Variants in PPP3CC observed in about 807,000 individuals in gnomAD.
PPP3CC encodes serine/threonine-protein phosphatase 2B catalytic subunit gamma isoform.
A neutral mutation model predicts 60.3 loss-of-function variants in PPP3CC; 35 were observed. The ratio of observed to expected loss-of-function variants is 0.58; its 90% CI spans 0.44 to 0.77. PPP3CC has a LOEUF of 0.77. Ranked by LOEUF, PPP3CC falls within the 30% of genes least tolerant of loss-of-function variation. The pLI, the probability that PPP3CC is intolerant of heterozygous loss-of-function variation, is 0.00. For missense variants in PPP3CC, 570 were observed against 628.9 expected, an observed-to-expected ratio of 0.91 and a Z score of 1.00; for synonymous variants, 206 against 224.3, an observed-to-expected ratio of 0.92 and a Z score of 0.73.
chr8:22,485,018 C>T (rs545307927), intron 3 of PPP3CC, among the ~76,000 whole-genome samples: 2 of 152,200 alleles, frequency 1.3e-5, no homozygotes, highest in South Asian at 2.1e-4. Flanking sequence ...ATACGCATAT[C>T]TTATTTGGAG....
chr8:22,457,214 A>G (rs1197932595), intron 1 of PPP3CC, among the ~76,000 whole-genome samples: 2 of 150,726 alleles, frequency 1.3e-5, no homozygotes, highest in Non-Finnish European at 2.9e-5. Flanking sequence ...CTTTTAGTAT[A>G]CCTTCTATTT....
rs771661434 is a variant in PPP3CC at position 22,540,649 on chromosome 8, G to C, written c.1386G>C (p.Arg462=). 1.2e-6 allele frequency: 2 copies of C among 1,613,748 alleles called. No individual in the cohort carries two copies. The highest frequency in any genetic ancestry group is 1.7e-6 in the Non-Finnish European group (2 of 1,179,942). ...GGTTCTCGCTTCAGCACAAGATCCGGAGTTTTGAAGAAGCGCGAGGTCTGG... is the reference window on the plus strand; with the variant it reads ...GGTTCTCGCTTCAGCACAAGATCCGCAGTTTTGAAGAAGCGCGAGGTCTGG... ...IRGFSLQHKI[R]SFEEARGLDR... Residue 462 remains arginine, a synonymous_variant, in exon 14 of 14, where the codon CGG becomes CGC. Transcript: ENST00000240139.
At chr8:22,468,297 G>A (rs1177697064) in intron 1 of PPP3CC, among the ~76,000 whole-genome samples, 2 of 152,068 alleles carry the variant, frequency 1.3e-5, no homozygotes, top group Non-Finnish European at 2.9e-5. Flanking sequence ...AGAGGCAAGA[G>A]TGTCACCATG....
intron 4 of PPP3CC, among the ~76,000 whole-genome samples, chr8:22,504,436 G>GGACT (rs764039391): frequency 1.7e-4 from 26 of 152,046 alleles, no homozygotes; most frequent in East Asian, 1.4e-3. Flanking sequence ...CGAGTAGCTG[G>GGACT]GACTGTAGGT....
intron 1 of PPP3CC, among the ~76,000 whole-genome samples, chr8:22,471,735 T>A (rs1837728617): frequency 6.6e-6 from 1 of 152,060 alleles, no homozygotes; most frequent in South Asian, 2.1e-4. Flanking sequence ...CGGAGGTGAA[T>A]GATGAGTGAA....
intron 1 of PPP3CC, among the ~76,000 whole-genome samples, chr8:22,457,691 T>A (rs1837245818): frequency 6.6e-6 from 1 of 152,260 alleles, no homozygotes; most frequent in African/African-American, 2.4e-5. Flanking sequence ...ACTTACAGTC[T>A]GAACCATACA....
At chr8:22,474,243 A>G (rs764970418) in intron 1 of PPP3CC, among the ~76,000 whole-genome samples, 1 of 152,150 alleles carries the variant, frequency 6.6e-6, no homozygotes, top group Non-Finnish European at 1.5e-5. Context: ...TAGGAGAAAT[A>G]AATGCCATTT....
At chr8:22,534,422 CA>C (rs34306343) in intron 12 of PPP3CC, among the ~76,000 whole-genome samples, 69,529 of 134,334 alleles carry the variant, frequency 0.52, 16,290 homozygotes, top group East Asian at 0.61. Context: ...ACCCTGTCTC[CA>C]AAAAAAAAAA....
rs181246968 is a variant in PPP3CC at position 22,539,481 on chromosome 8, C to T, written c.1334C>T (p.Ala445Val). 22 of 1,613,922 alleles carry T rather than the reference C, an allele frequency of 1.4e-5. No homozygotes were observed. The highest frequency in any genetic ancestry group is 1.7e-4 in the Middle Eastern group (1 of 6,054). Residue 445 changes from alanine to valine, a missense_variant, in exon 13 of 14, where the codon GCG (alanine) becomes GTG (valine). Transcript: ENST00000240139. ...KQTIETATVEAVEAREAIRGF... is the reference protein window; with the variant it reads ...KQTIETATVEVVEAREAIRGF... The stretch of plus-strand genomic sequence containing the variant: ...TGCCCTCTTACAGCCACAGTAGAAG[C>T]GGTAGAGGCCCGGGAAGGTATGGCC...
chr8:22,511,008 A>T (rs1839069148), intron 4 of PPP3CC, 78 bp from the exon 5 acceptor site: 3 of 1,419,010 alleles, frequency 2.1e-6, no homozygotes, highest in Non-Finnish European at 2.9e-6. Context: ...AAGTAGCTTC[A>T]TATTCTCCTG....
chr8:22,539,562 A>G (rs141316920), intron 13 of PPP3CC, 64 bp downstream of exon 13: 1 of 1,499,282 alleles, frequency 6.7e-7, no homozygotes, highest in East Asian at 2.3e-5. Context: ...TCGAAGCTTT[A>G]TCAACATTTC....
chr8:22,456,516 C>G lies in PPP3CC; in HGVS notation c.49+15058C>G, dbSNP rs1879792. ...CCTAACTCCCTTCCCTCTCTTTGCC[C>G]GTGTCAGTATCCCACACCACCACAC... On this transcript the variant is annotated intron_variant, in intron 1 of 13. Coordinates refer to ENST00000240139, the MANE Select transcript of PPP3CC (RefSeq NM_005605.5). 1.2e-3 allele frequency among the ~76,000 whole-genome samples: 179 copies of G among 152,068 alleles called. 1 individual carries two copies. Among genetic ancestry groups the G allele is most frequent in the African/African-American group, 4.1e-3 (171 of 41,488 alleles).
chr8:22,469,963 C>CAT (rs35947743), intron 1 of PPP3CC, among the ~76,000 whole-genome samples: 2,835 of 146,246 alleles, frequency 0.019, 44 homozygotes, highest in South Asian at 0.035. Flanking sequence ...TGCTCAAAGA[C>CAT]ATATATATAT....
At chr8:22,457,652 C>T (rs1190635971) in intron 1 of PPP3CC, among the ~76,000 whole-genome samples, 1 of 152,176 alleles carries the variant, frequency 6.6e-6, no homozygotes, top group Non-Finnish European at 1.5e-5. Flanking sequence ...CTGTAGCTAT[C>T]GTTGATTTCC....
At chr8:22,485,410 C>A (rs915884817) in intron 3 of PPP3CC, among the ~76,000 whole-genome samples, 1 of 152,116 alleles carries the variant, frequency 6.6e-6, no homozygotes, top group Non-Finnish European at 1.5e-5. Context: ...AAGAGTCTTC[C>A]TTAATAGGAG....
chr8:22,452,809 A>T (rs12548863), intron 1 of PPP3CC, among the ~76,000 whole-genome samples: 9,226 of 135,250 alleles, frequency 0.068, 340 homozygotes, highest in South Asian at 0.17. Context: ...TGCTGCCGCC[A>T]TCGCTATCAT....
chr8:22,472,133 A>G (rs553096977), intron 1 of PPP3CC, among the ~76,000 whole-genome samples: 23 of 152,000 alleles, frequency 1.5e-4, no homozygotes, highest in Non-Finnish European at 2.8e-4. Context: ...TATCTCAAAA[A>G]CAAATTTTTT....
chr8:22,451,978 T>G (rs1288629038), intron 1 of PPP3CC, among the ~76,000 whole-genome samples: 1 of 151,850 alleles, frequency 6.6e-6, no homozygotes, highest in African/African-American at 2.4e-5. Flanking sequence ...TCCTAGAATG[T>G]TTTATATCTG....
rs1479057819 is a variant in PPP3CC, at chr8:22,497,983, C to G, written c.373-18C>G. On this transcript the variant is annotated intron_variant, in intron 3 of 13. Coordinates refer to ENST00000240139, the MANE Select transcript of PPP3CC (RefSeq NM_005605.5). ...TAATGGTCACAAAGAAAATTTTATG[C>G]TTGAATTTGTCTTGTAGTGTGTGCT... is the stretch of plus-strand genomic sequence containing the variant. 18 of 1,537,212 alleles carry G rather than the reference C, an allele frequency of 1.2e-5. No individual in the cohort carries two copies. Among genetic ancestry groups the G allele is most frequent in the South Asian group, 1.2e-5 (1 of 84,142 alleles).
Sources: allele counts gnomAD v4.1 joint callset (sites outside exome capture counted in the v4.1 genomes callset), GRCh38; gene constraint gnomAD v4.1.1; transcripts MANE v1.5; gene names NCBI Gene and HGNC (gene_info 2026-07-23, HGNC 2026-07-21).